The following CDH12 variants were observed in gnomAD, a reference collection of about 807,000 sequenced individuals.
CDH12 encodes cadherin 12.
CDH12 carries 41 observed loss-of-function variants against 74.1 expected under a neutral mutation model. The ratio of observed to expected loss-of-function variants is 0.55; its 90% CI spans 0.43 to 0.72. The LOEUF (loss-of-function observed/expected upper bound fraction) is 0.72, where lower values mean the gene tolerates loss of function less well. CDH12 is among the 30% of genes least tolerant of loss of function. CDH12 has a pLI of 0.00. For missense variants in CDH12, 945 were observed against 977.2 expected, an observed-to-expected ratio of 0.97 and a Z score of 0.44; for synonymous variants, 399 against 355.0, an observed-to-expected ratio of 1.12 and a Z score of -1.39.
At chr5:22,655,160 A>G (rs969791368) in intron 1 of CDH12, among the ~76,000 whole-genome samples, 4 of 152,202 alleles carry the variant, frequency 2.6e-5, no homozygotes, top group Admixed American at 2.0e-4. Context: ...TAACTCATAA[A>G]TACATCTTAA....
chr5:22,745,975 C>A (rs1745276024), intron 1 of CDH12, among the ~76,000 whole-genome samples: 1 of 151,856 alleles, frequency 6.6e-6, no homozygotes, highest in Admixed American at 6.6e-5. Context: ...TACAACTAAC[C>A]TGTATTCTTA....
At chr5:22,005,713 A>G (rs537847076) in intron 5 of CDH12, among the ~76,000 whole-genome samples, 1 of 152,282 alleles carries the variant, frequency 6.6e-6, no homozygotes, top group South Asian at 2.1e-4. Context: ...TTACACTGCA[A>G]ATATACCCAA....
chr5:22,079,091 A>G (rs2150226067), intron 4 of CDH12, among the ~76,000 whole-genome samples: 1 of 152,350 alleles, frequency 6.6e-6, no homozygotes, highest in Non-Finnish European at 1.5e-5. Context: ...GGTGCATTAT[A>G]AACAGAAATG....
At chr5:22,362,963 G>A (rs1740879687) in intron 3 of CDH12, among the ~76,000 whole-genome samples, 1 of 150,332 alleles carries the variant, frequency 6.7e-6, no homozygotes, top group African/African-American at 2.4e-5. Context: ...GATAGCATTA[G>A]GAGATACACC....
At chr5:22,449,695 C>T (rs1227433862) in intron 2 of CDH12, among the ~76,000 whole-genome samples, 2 of 151,886 alleles carry the variant, frequency 1.3e-5, no homozygotes, top group African/African-American at 4.8e-5. Flanking sequence ...CACATTAATT[C>T]AGAAATATCA....
chr5:22,744,608 C>T (rs550449266), intron 1 of CDH12, among the ~76,000 whole-genome samples: 159 of 152,160 alleles, frequency 1.0e-3, no homozygotes, highest in African/African-American at 3.8e-3. Context: ...GTTATTGTAT[C>T]ACTTTAAAAG....
chr5:22,792,353 T>G (rs1381791285), intron 1 of CDH12, among the ~76,000 whole-genome samples: 2 of 152,166 alleles, frequency 1.3e-5, no homozygotes, highest in African/African-American at 4.8e-5. Flanking sequence ...CCTCCCAAAG[T>G]GCTGGGACTG....
chr5:22,694,401 AT>A (rs1348148326), intron 1 of CDH12, among the ~76,000 whole-genome samples: 1 of 152,126 alleles, frequency 6.6e-6, no homozygotes, highest in Non-Finnish European at 1.5e-5. Context: ...ATAGTCTCAA[AT>A]CTATACTAAT....
chr5:21,834,254 A>T (rs1407578895), intron 8 of CDH12, among the ~76,000 whole-genome samples: 1 of 151,902 alleles, frequency 6.6e-6, no homozygotes, highest in East Asian at 1.9e-4. Flanking sequence ...CATATAACAT[A>T]TATATCTCAT....
intron 8 of CDH12, among the ~76,000 whole-genome samples, chr5:21,820,928 A>T (rs911274220): frequency 6.6e-6 from 1 of 152,128 alleles, no homozygotes; most frequent in East Asian, 1.9e-4. Flanking sequence ...ACAGGTGACA[A>T]GAGATTGTCC....
intron 4 of CDH12, among the ~76,000 whole-genome samples, chr5:22,113,526 G>C (rs566410571): frequency 6.6e-6 from 1 of 152,128 alleles, no homozygotes; most frequent in South Asian, 2.1e-4. Context: ...GGAAGTCCCT[G>C]CTTGAGTTGT....
intron 1 of CDH12, among the ~76,000 whole-genome samples, chr5:22,779,621 T>G (rs1262712347): frequency 3.9e-5 from 6 of 152,258 alleles, no homozygotes; most frequent in African/African-American, 1.4e-4. Context: ...GGAGGCAGTT[T>G]CCCCATGCCG....
intron 4 of CDH12, among the ~76,000 whole-genome samples, chr5:22,161,113 G>C (rs1328701101): frequency 6.6e-6 from 1 of 152,122 alleles, no homozygotes. Flanking sequence ...CAAGTGTATA[G>C]AATTGAGCTG....
At chr5:21,818,362 C>A (rs1748180314) in intron 8 of CDH12, among the ~76,000 whole-genome samples, 1 of 151,956 alleles carries the variant, frequency 6.6e-6, no homozygotes, top group Non-Finnish European at 1.5e-5. Context: ...CAGTTATTTT[C>A]TCCAAGAAGG....
chr5:22,283,223 T>TA (rs1390922991), intron 3 of CDH12, among the ~76,000 whole-genome samples: 7 of 59,558 alleles, frequency 1.2e-4, no homozygotes, highest in African/African-American at 2.0e-4. Context: ...TATAGATATA[T>TA]ATATATATAT....
chr5:22,719,311 A>G (rs1340389911), intron 1 of CDH12, among the ~76,000 whole-genome samples: 1 of 152,232 alleles, frequency 6.6e-6, no homozygotes, highest in Non-Finnish European at 1.5e-5. Flanking sequence ...AGTTGTAAAC[A>G]AATAACAATC....
intron 1 of CDH12, among the ~76,000 whole-genome samples, chr5:22,668,818 G>T (rs945385121): frequency 6.6e-6 from 1 of 151,876 alleles, no homozygotes; most frequent in Non-Finnish European, 1.5e-5. Context: ...TTTTTCTATT[G>T]GTCATCTCAG....
intron 3 of CDH12, among the ~76,000 whole-genome samples, chr5:22,249,666 G>T (rs142632689): frequency 4.9e-4 from 75 of 152,198 alleles, no homozygotes; most frequent in Admixed American, 1.5e-3. Context: ...TTTCTCCAGA[G>T]GATAAAAAAC....
chr5:22,159,353 A>G (rs867874335), intron 4 of CDH12, among the ~76,000 whole-genome samples: 4 of 152,184 alleles, frequency 2.6e-5, no homozygotes, highest in Admixed American at 2.0e-4. Flanking sequence ...CAAATTTCTT[A>G]GGATAATGAG....
Sources: allele counts gnomAD v4.1 joint callset (sites outside exome capture counted in the v4.1 genomes callset), GRCh38; gene constraint gnomAD v4.1.1; transcripts MANE v1.5; gene names NCBI Gene and HGNC (gene_info 2026-07-23, HGNC 2026-07-21).